Variants in LRP1B observed in about 807,000 individuals in gnomAD.
LRP1B encodes the protein LDL receptor related protein 1B, also known as low-density lipoprotein receptor-related protein 1B.
LRP1B carries 217 observed loss-of-function variants against 556.6 expected under a neutral mutation model. The ratio of observed to expected loss-of-function variants is 0.39; its 90% CI spans 0.35 to 0.44. LRP1B has a LOEUF of 0.44. Ranked by LOEUF, LRP1B falls within the 20% of genes least tolerant of loss-of-function variation. LRP1B has a pLI of 1.00. For missense variants in LRP1B, 5,053 were observed against 5,620.8 expected, an observed-to-expected ratio of 0.90 and a Z score of 3.23; for synonymous variants, 2,047 against 1,865.8, an observed-to-expected ratio of 1.10 and a Z score of -2.50.
intron 13 of LRP1B, 88 bp from the exon 14 acceptor site, chr2:141,013,833 T>C (rs771209051): frequency 1.2e-5 from 8 of 666,228 alleles, no homozygotes; most frequent in Non-Finnish European, 1.9e-5. Flanking sequence ...TCAATAAGTA[T>C]AACAGATAAT....
chr2:141,275,724 GA>G (rs1265306307), intron 3 of LRP1B, among the ~76,000 whole-genome samples: 1 of 151,916 alleles, frequency 6.6e-6, no homozygotes, highest in African/African-American at 2.4e-5. Flanking sequence ...AAAAATAAAA[GA>G]AAAGAAATAT....
chr2:141,139,781 ATGTGTGTGTG>A (rs58413685), intron 7 of LRP1B, among the ~76,000 whole-genome samples: 9,527 of 148,106 alleles, frequency 0.064, 554 homozygotes, highest in African/African-American at 0.16. Flanking sequence ...CATTGGAAAA[ATGTGTGTGTG>A]TGTGTGTGTG....
intron 3 of LRP1B, among the ~76,000 whole-genome samples, chr2:141,460,519 G>A (rs571286722): frequency 5.9e-5 from 9 of 152,264 alleles, no homozygotes; most frequent in African/African-American, 1.9e-4. Context: ...TGAATGTAAT[G>A]TGCAGCCCAT....
At chr2:141,637,424 A>T (rs1231186991) in intron 2 of LRP1B, among the ~76,000 whole-genome samples, 1 of 152,218 alleles carries the variant, frequency 6.6e-6, no homozygotes, top group Admixed American at 6.5e-5. Flanking sequence ...GTGGATGAAA[A>T]AGGCTGAAGA....
chr2:141,461,630 C>T (rs1277482704), intron 3 of LRP1B, among the ~76,000 whole-genome samples: 1 of 152,122 alleles, frequency 6.6e-6, no homozygotes, highest in Non-Finnish European at 1.5e-5. Flanking sequence ...TTTATCCAGA[C>T]AGGTAAATAA....
intron 3 of LRP1B, among the ~76,000 whole-genome samples, chr2:141,331,473 TA>T (rs1442085346): frequency 7.2e-6 from 1 of 139,830 alleles, no homozygotes; most frequent in Non-Finnish European, 1.5e-5. Context: ...AGGAAACTCT[TA>T]ATCTTTGTTT....
intron 21 of LRP1B, among the ~76,000 whole-genome samples, chr2:140,919,038 G>A (rs557360988): frequency 1.3e-5 from 2 of 151,402 alleles, no homozygotes; most frequent in East Asian, 3.9e-4. Flanking sequence ...TCTTTTCGAG[G>A]GTCTCAACAT....
chr2:141,777,176 T>C (rs371684927), intron 2 of LRP1B, among the ~76,000 whole-genome samples: 1 of 152,190 alleles, frequency 6.6e-6, no homozygotes, highest in Non-Finnish European at 1.5e-5. Flanking sequence ...AGTACAGATA[T>C]GGTGAACATG....
chr2:141,017,603 GA>G (rs1339851119), intron 12 of LRP1B, among the ~76,000 whole-genome samples: 1 of 151,658 alleles, frequency 6.6e-6, no homozygotes, highest in African/African-American at 2.4e-5. Context: ...CAAAATATAA[GA>G]AAGTTATTTT....
intron 5 of LRP1B, among the ~76,000 whole-genome samples, chr2:141,246,730 C>G (rs118177697): frequency 0.014 from 2,172 of 152,158 alleles, 41 homozygotes; most frequent in African/African-American, 0.042. Flanking sequence ...TTTGGGAGGC[C>G]TTGGTGGGTG....
At chr2:142,009,165 C>A (rs556783676) in intron 1 of LRP1B, among the ~76,000 whole-genome samples, 3 of 152,258 alleles carry the variant, frequency 2.0e-5, no homozygotes, top group Admixed American at 6.5e-5. Context: ...CAGCATCTCT[C>A]AAGTCATGAC....
At chr2:141,472,954 A>T (rs1682534719) in intron 3 of LRP1B, among the ~76,000 whole-genome samples, 1 of 152,168 alleles carries the variant, frequency 6.6e-6, no homozygotes, top group African/African-American at 2.4e-5. Flanking sequence ...TCCAATCAAC[A>T]ATTAACTATT....
intron 1 of LRP1B, among the ~76,000 whole-genome samples, chr2:142,096,942 A>C (rs979146735): frequency 1.3e-5 from 2 of 151,470 alleles, no homozygotes; most frequent in African/African-American, 4.8e-5. Flanking sequence ...CTTAATGTTT[A>C]GTTCCAAAAT....
chr2:141,654,543 C>T (rs932527788), intron 2 of LRP1B, among the ~76,000 whole-genome samples: 8 of 152,070 alleles, frequency 5.3e-5, no homozygotes, highest in African/African-American at 1.7e-4. Flanking sequence ...CCATCTGTCA[C>T]ATGTGCTTCC....
At chr2:141,152,586 C>T (rs1701950807) in intron 7 of LRP1B, among the ~76,000 whole-genome samples, 1 of 151,790 alleles carries the variant, frequency 6.6e-6, no homozygotes, top group Non-Finnish European at 1.5e-5. Context: ...CACCCTGGCT[C>T]AGACAGGAAA....
intron 1 of LRP1B, among the ~76,000 whole-genome samples, chr2:141,916,451 A>G (rs6738695): frequency 0.86 from 130,521 of 151,458 alleles, 56,352 homozygotes; most frequent in East Asian, 1. Flanking sequence ...TGCAAGCTCC[A>G]CCTCCTGGGT....
At position 140,485,465 on chromosome 2, in the gene LRP1B, G is replaced by A. The variant is rs759752435; in HGVS notation, c.9303C>T (p.Leu3101=). The A allele has an allele frequency of 1.2e-6, 2 of 1,613,912 alleles. No homozygotes were observed. Among genetic ancestry groups the A allele is most frequent in the Non-Finnish European group, 8.5e-7 (1 of 1,179,878 alleles). The change falls in exon 59 of 91, where the codon CTC becomes CTT. Residue 3101 remains leucine, a synonymous_variant. Transcript: ENST00000389484. The part of the protein sequence containing the change: ...ALAVDWIGKN[L]YWSDTEKRII... ...TTCTTTTTTCTGTGTCAGACCAATA[G>A]AGGTTTTTTCCAATCCAATCGACAG...
At chr2:141,355,672 T>C (rs2683832) in intron 3 of LRP1B, among the ~76,000 whole-genome samples, 100,118 of 151,864 alleles carry the variant, frequency 0.66, 34,227 homozygotes, top group African/African-American at 0.76. Context: ...AAATTAAAAC[T>C]CCAAACATCA....
At chr2:140,833,697 T>C (rs78701512) in intron 31 of LRP1B, among the ~76,000 whole-genome samples, 3,092 of 152,276 alleles carry the variant, frequency 0.02, 49 homozygotes, top group Non-Finnish European at 0.035. Context: ...TTACTGTATA[T>C]ACATATATAC....
Sources: gnomAD v4.1 joint callset for allele counts (sites outside exome capture counted in the v4.1 genomes callset) on GRCh38, gnomAD v4.1.1 for gene constraint, MANE v1.5 for transcripts, NCBI Gene and HGNC (gene_info 2026-07-23, HGNC 2026-07-21) for gene names.